KIAA1549: variants seen among roughly 807,000 people sequenced by gnomAD.
The protein encoded by KIAA1549 is UPF0606 protein KIAA1549.
A neutral mutation model predicts 156.4 loss-of-function variants in KIAA1549; 70 were observed. The observed-to-expected ratio is 0.45, with a 90% CI of 0.37 to 0.55. The LOEUF is 0.55. Among genes scored for constraint, KIAA1549 ranks in the 20% least tolerant of loss-of-function variants. The pLI is 0.00. For synonymous variants in KIAA1549, 1,103 were observed against 1,066.4 expected, an observed-to-expected ratio of 1.03 and a Z score of -0.67; for missense variants, 2,428 against 2,540.9, an observed-to-expected ratio of 0.96 and a Z score of 0.96.
In KIAA1549 at chr7:138,933,004, G is replaced by T. The variant is rs183876725; in HGVS notation, c.188-13566C>A. Among the ~76,000 whole-genome samples, 178 of 152,286 alleles carry T rather than the reference G, an allele frequency of 1.2e-3. 1 individual carries two copies. The highest frequency in any genetic ancestry group is 4.1e-4 in the Non-Finnish European group (28 of 68,030). ...GGAGGTGACAAGAAAACAGAAAATC[G>T]GTCGGTACTGGGGAAGGGTCGCTGT... On this transcript the variant is annotated intron_variant, in intron 1 of 19. Transcript: ENST00000422774.
intron 8 of KIAA1549, among the ~76,000 whole-genome samples, chr7:138,902,228 AATG>A (rs1811862375): frequency 6.6e-6 from 1 of 152,196 alleles, no homozygotes; most frequent in South Asian, 2.1e-4. Flanking sequence ...GACAAAGGGT[AATG>A]ATGAGAGGGA....
At chr7:138,950,252 A>G (rs1473396648) in intron 1 of KIAA1549, among the ~76,000 whole-genome samples, 1 of 152,226 alleles carries the variant, frequency 6.6e-6, no homozygotes, top group Non-Finnish European at 1.5e-5. Context: ...CTTTTATTAT[A>G]ATCGTAAAAA....
At chr7:138,853,885 A>G (rs1182962136) in intron 16 of KIAA1549, among the ~76,000 whole-genome samples, 3 of 152,248 alleles carry the variant, frequency 2.0e-5, no homozygotes, top group Admixed American at 6.5e-5. Context: ...TCTAAAAAAA[A>G]GTCAATGCTT....
At chr7:138,879,805 G>A (rs1398482436) in intron 11 of KIAA1549, among the ~76,000 whole-genome samples, 152 bp from the exon 12 acceptor site, 1 of 152,186 alleles carries the variant, frequency 6.6e-6, no homozygotes, top group African/African-American at 2.4e-5. Context: ...GCGTCTTCAA[G>A]GATCACATTA....
At chr7:138,930,406 T>C (rs1812837073) in intron 1 of KIAA1549, among the ~76,000 whole-genome samples, 2 of 152,234 alleles carry the variant, frequency 1.3e-5, no homozygotes, top group South Asian at 2.1e-4. Flanking sequence ...AAGCCAAGCA[T>C]TGACTTCTCT....
At chr7:138,915,213 A>G (rs1039441092) in intron 2 of KIAA1549, among the ~76,000 whole-genome samples, 3 of 152,052 alleles carry the variant, frequency 2.0e-5, no homozygotes, top group Non-Finnish European at 4.4e-5. Flanking sequence ...GGAATCCCCA[A>G]TTTCACATTC....
intron 17 of KIAA1549, among the ~76,000 whole-genome samples, chr7:138,850,636 A>T (rs1810208784): frequency 6.6e-6 from 1 of 152,160 alleles, no homozygotes; most frequent in Admixed American, 6.6e-5. Flanking sequence ...TATAGGACAG[A>T]CAGCCTACAG....
At chr7:138,890,549 G>A (rs991689795) in intron 10 of KIAA1549, among the ~76,000 whole-genome samples, 7 of 152,218 alleles carry the variant, frequency 4.6e-5, no homozygotes, top group African/African-American at 1.4e-4. Context: ...CTGTGGTCCC[G>A]GAGTTTGGGA....
chr7:138,908,168 A>C (rs1402905482), intron 5 of KIAA1549, among the ~76,000 whole-genome samples: 1 of 152,202 alleles, frequency 6.6e-6, no homozygotes, highest in Non-Finnish European at 1.5e-5. Flanking sequence ...CAGTCTCCAG[A>C]TTTACAGAAA....
At chr7:138,901,046 T>C (rs1013377413) in intron 8 of KIAA1549, among the ~76,000 whole-genome samples, 2 of 152,232 alleles carry the variant, frequency 1.3e-5, no homozygotes, top group Non-Finnish European at 2.9e-5. Flanking sequence ...TCTGGAACCC[T>C]TATAACCATG....
chr7:138,957,124 CA>C (rs1180727034), intron 1 of KIAA1549, among the ~76,000 whole-genome samples: 2 of 152,306 alleles, frequency 1.3e-5, no homozygotes, highest in East Asian at 1.9e-4. Flanking sequence ...TGCAAAGGCA[CA>C]GGGGCATAAA....
rs201717103 is a variant in KIAA1549 at position 138,928,916 on chromosome 7, TA to T, written c.188-9479del. ...ACTTAAAGTATAATAAAAAATACAT[TA>T]AAAAAAATGTACACATCTTAACTAA... is the stretch of plus-strand genomic sequence containing the variant. On this transcript the variant is annotated intron_variant, in intron 1 of 19. Coordinates refer to ENST00000422774, the MANE Select transcript of KIAA1549 (RefSeq NM_001164665.2). 6.5e-4 allele frequency among the ~76,000 whole-genome samples: 99 copies of T among 152,068 alleles called. 1 individual carries two copies. The highest frequency in any genetic ancestry group is 1.6e-3 in the African/African-American group (67 of 41,496).
intron 1 of KIAA1549, among the ~76,000 whole-genome samples, chr7:138,933,073 C>T (rs904703403): frequency 2.0e-5 from 3 of 152,016 alleles, no homozygotes; most frequent in Non-Finnish European, 2.9e-5. Flanking sequence ...GCTGGAGAGG[C>T]CCTGCTGGCA....
In KIAA1549 at chr7:138,871,382, A is replaced by G. The variant is rs745846474; in HGVS notation, c.4346-20T>C. On this transcript the variant is annotated intron_variant, in intron 12 of 19. Coordinates refer to ENST00000422774, the MANE Select transcript of KIAA1549 (RefSeq NM_001164665.2). ...GTGGCCCTGGAACAGAAGGAAAAGC[A>G]AAACACATACACGAAGTCATCTAAA... is the stretch of plus-strand genomic sequence containing the variant. 2 of 1,497,874 alleles carry G rather than the reference A, an allele frequency of 1.3e-6. No individual in the cohort carries two copies. Among genetic ancestry groups the G allele is most frequent in the East Asian group, 4.8e-5 (2 of 41,516 alleles). The allele number at this position is 1,497,874 out of a possible 1,614,324, so 92.8% of individuals were successfully genotyped here.
At chr7:138,862,823 A>G (rs1361071093) in intron 15 of KIAA1549, among the ~76,000 whole-genome samples, 1 of 152,156 alleles carries the variant, frequency 6.6e-6, no homozygotes, top group East Asian at 1.9e-4. Context: ...TCAGCCACTC[A>G]GGAGGCTGAA....
chr7:138,895,916 C>T (rs1189841169), intron 9 of KIAA1549, among the ~76,000 whole-genome samples: 4 of 152,072 alleles, frequency 2.6e-5, no homozygotes, highest in East Asian at 1.9e-4. Flanking sequence ...CACTTTTACA[C>T]GAAGCATATC....
At chr7:138,867,607 G>A (rs994135292) in intron 15 of KIAA1549, among the ~76,000 whole-genome samples, 1 of 151,970 alleles carries the variant, frequency 6.6e-6, no homozygotes, top group African/African-American at 2.4e-5. Context: ...CCTCTGACTA[G>A]GGAGAAGGAA....
At chr7:138,869,500 G>A (rs528029355) in intron 14 of KIAA1549, 38 bp downstream of exon 14, 21 of 1,504,146 alleles carry the variant, frequency 1.4e-5, no homozygotes, top group Middle Eastern at 2.3e-4. Context: ...GCACCTCTGC[G>A]CGCCCGCCCC....
intron 10 of KIAA1549, among the ~76,000 whole-genome samples, chr7:138,891,713 CGA>C (rs1391574548): frequency 2.0e-5 from 3 of 151,896 alleles, no homozygotes; most frequent in African/African-American, 7.3e-5. Context: ...GAAGGATTTC[CGA>C]GAGTATGGTG....
Sources: allele counts gnomAD v4.1 joint callset (sites outside exome capture counted in the v4.1 genomes callset), GRCh38; gene constraint gnomAD v4.1.1; transcripts MANE v1.5; gene names NCBI Gene and HGNC (gene_info 2026-07-23, HGNC 2026-07-21).